AFP: variants seen among roughly 807,000 people sequenced by gnomAD.
The protein encoded by AFP is alpha fetoprotein.
In AFP, 64 loss-of-function variants were observed where a neutral mutation model predicts 78.9. That is an observed-to-expected ratio of 0.81 (90% CI 0.66 to 1.00). The LOEUF is 1.00. Ranked by LOEUF, AFP falls within the 50% of genes least tolerant of loss-of-function variation. The pLI is 0.00. For synonymous variants in AFP, 254 were observed against 243.8 expected, an observed-to-expected ratio of 1.04 and a Z score of -0.39; for missense variants, 689 against 703.8, an observed-to-expected ratio of 0.98 and a Z score of 0.24.
At chr4:73,438,123 A>G in intron 2 of AFP, 51 bp from the exon 3 acceptor site, 1 of 1,606,326 alleles carries the variant, frequency 6.2e-7, no homozygotes, top group Non-Finnish European at 8.5e-7. Context: ...TGAGAAAAAT[A>G]AGCTTGCTGC....
intron 4 of AFP, 66 bp from the exon 5 acceptor site, chr4:73,442,230 G>A: frequency 6.8e-7 from 1 of 1,471,802 alleles, no homozygotes; most frequent in Non-Finnish European, 9.4e-7. Context: ...CCAGTGTCCA[G>A]TTCCAAGCAG....
At position 73,444,359 on chromosome 4, in the gene AFP, A is replaced by G. The variant is rs796247051; in HGVS notation, c.714-634A>G. On this transcript the variant is annotated intron_variant, in intron 6 of 14. Coordinates refer to ENST00000395792, the MANE Select transcript of AFP (RefSeq NM_001134.3). ...AGCTAAGTGGTCTAAATTTATAGAG[A>G]AGATCCATCTTTATCAGAAGCAGGA... 9.2e-5 allele frequency among the ~76,000 whole-genome samples: 14 copies of G among 152,354 alleles called. 1 individual carries two copies. The highest frequency in any genetic ancestry group is 3.4e-4 in the African/African-American group (14 of 41,588).
intron 7 of AFP, among the ~76,000 whole-genome samples, 180 bp downstream of exon 7, chr4:73,445,302 C>T (rs1719787242): frequency 6.6e-6 from 1 of 152,046 alleles, no homozygotes; most frequent in Admixed American, 6.6e-5. Context: ...TTGATCCTGG[C>T]TTTCACTTTA....
chr4:73,437,788 G>A (rs1034740491), intron 2 of AFP, among the ~76,000 whole-genome samples: 1 of 151,874 alleles, frequency 6.6e-6, no homozygotes, highest in African/African-American at 2.4e-5. Context: ...GATCATACTG[G>A]GAATAGACAC....
At chr4:73,441,393 C>T (rs1577952679) in intron 4 of AFP, among the ~76,000 whole-genome samples, 2 of 151,240 alleles carry the variant, frequency 1.3e-5, no homozygotes, top group East Asian at 2.0e-4. Context: ...GGTGAAACCC[C>T]GTCTCTACTA....
At chr4:73,437,723 A>C (rs777587398) in intron 2 of AFP, among the ~76,000 whole-genome samples, 1 of 152,112 alleles carries the variant, frequency 6.6e-6, no homozygotes, top group Non-Finnish European at 1.5e-5. Context: ...CCAAACCTGC[A>C]TAAGGATTGC....
At chr4:73,452,300 G>T (rs1189381512) in intron 11 of AFP, 101 bp from the exon 12 acceptor site, 13 of 878,364 alleles carry the variant, frequency 1.5e-5, no homozygotes, top group Non-Finnish European at 2.3e-5. Context: ...ATTATAAATT[G>T]CTGGGCATTA....
chr4:73,449,367 A>C lies in AFP; in HGVS notation c.1091A>C (p.Gln364Pro), dbSNP rs759636523. ...FVHEYSRRHP[Q>P]LAVSVILRVA... is the part of the protein sequence containing the mutation. The stretch of plus-strand genomic sequence containing the variant: ...CATGAATATTCAAGAAGACATCCTC[A>C]GCTTGCTGTCTCAGTAATTCTAAGA... The change falls in exon 9 of 15, where the codon CAG (glutamine) becomes CCG (proline). Residue 364 changes from glutamine to proline, a missense_variant. By Grantham distance (76) the Gln-to-Pro change is moderately conservative (BLOSUM62 -1). Coordinates refer to ENST00000395792, the MANE Select transcript of AFP (RefSeq NM_001134.3). 1.2e-6 allele frequency: 2 copies of C among 1,613,194 alleles called. No individual in the cohort carries two copies. The highest frequency in any genetic ancestry group is 2.7e-5 in the African/African-American group (2 of 74,898).
rs750406181 is a variant in AFP, at chr4:73,443,460, A to G, written c.713+16A>G. 7.0e-6 allele frequency: 11 copies of G among 1,574,128 alleles called. No individual in the cohort carries two copies. Among genetic ancestry groups the G allele is most frequent in the Non-Finnish European group, 9.6e-6 (11 of 1,143,774 alleles). ...TCCAAGCCATGTAAGTTCAAGTTCT[A>G]TCTAGGGAAGAGGGTGAGAGCTACA... is the stretch of plus-strand genomic sequence containing the variant. On this transcript the variant is annotated intron_variant, in intron 6 of 14. Coordinates refer to ENST00000395792, the MANE Select transcript of AFP (RefSeq NM_001134.3).
At chr4:73,451,105 T>C (rs1366404890) in intron 11 of AFP, among the ~76,000 whole-genome samples, 1 of 152,266 alleles carries the variant, frequency 6.6e-6, no homozygotes, top group Non-Finnish European at 1.5e-5. Context: ...TTCATATACT[T>C]ACTTTGATGT....
intron 9 of AFP, 69 bp downstream of exon 9, chr4:73,449,536 T>A (rs1483886303): frequency 6.3e-7 from 1 of 1,575,376 alleles, no homozygotes. Context: ...AAATGCTGTT[T>A]GTTTGAAAGC....
chr4:73,444,409 A>G (rs1328843221), intron 6 of AFP, among the ~76,000 whole-genome samples: 1 of 152,176 alleles, frequency 6.6e-6, no homozygotes, highest in Non-Finnish European at 1.5e-5. Flanking sequence ...TCTAGGAGCA[A>G]TGGTTTTACA....
intron 10 of AFP, 75 bp from the exon 11 acceptor site, chr4:73,450,540 T>C: frequency 1.9e-6 from 3 of 1,602,274 alleles, no homozygotes; most frequent in Admixed American, 1.7e-5. Context: ...GAGTAGAGAG[T>C]CTGTGAGAAG....
intron 6 of AFP, 26 bp downstream of exon 6, chr4:73,443,470 G>A (rs1333316297): frequency 6.5e-7 from 1 of 1,542,572 alleles, no homozygotes; most frequent in Non-Finnish European, 9.0e-7. Flanking sequence ...ATCTAGGGAA[G>A]AGGGTGAGAG....
Position 73,455,966 on chromosome 4 carries a change from C to T in AFP, c.*346C>T, listed in dbSNP as rs1447090284. On this transcript the variant is annotated 3_prime_UTR_variant, in exon 15 of 15. Coordinates refer to ENST00000395792, the MANE Select transcript of AFP (RefSeq NM_001134.3). ...CTGAAAAATGTTCCCAAGTTAAACA[C>T]TATTTGATGCTACCAGGGCATTTTG... 3.4e-6 allele frequency: 1 copy of T among 292,714 alleles called. No homozygotes were observed. Among genetic ancestry groups the T allele is most frequent in the Non-Finnish European group, 6.3e-6 (1 of 159,464 alleles). 18.1% of individuals were successfully genotyped at this position (292,714 alleles called of 1,614,324 possible).
At chr4:73,445,922 C>T (rs1174014143) in intron 7 of AFP, among the ~76,000 whole-genome samples, 1 of 152,170 alleles carries the variant, frequency 6.6e-6, no homozygotes, top group Non-Finnish European at 1.5e-5. Flanking sequence ...ATTACTCTGT[C>T]TCTGTGGGCT....
At position 73,453,798 on chromosome 4, in the gene AFP, A is replaced by C; in HGVS notation, c.1686A>C (p.Gln562His). Residue 562 changes from glutamine (Q) to histidine (H), a missense_variant, in exon 13 of 15, where the codon CAA (glutamine) becomes CAC (histidine). By Grantham distance (24) the Gln-to-His change is conservative. Transcript: ENST00000395792. ...TTAACCTTGTGAAGCAAAAGCCACA[A>C]ATAACAGAGGAACAACTTGAGGCTG... ...FLINLVKQKP[Q>H]ITEEQLEAVI... The C allele has an allele frequency of 6.2e-7, 1 of 1,613,812 alleles. No individual in the cohort carries two copies. The highest frequency in any genetic ancestry group is 8.5e-7 in the Non-Finnish European group (1 of 1,179,746).
rs150964344 is a variant in AFP at position 73,450,089 on chromosome 4, C to T, written c.1245C>T (p.Ser415=). ...AGAGCCAAGCATTGGCAAAGCGAAG[C>T]TGCGGCCTCTTCCAGAAACTAGGAG... The part of the protein sequence containing the change: ...IQESQALAKR[S]CGLFQKLGEY... Residue 415 remains serine, a synonymous_variant, in exon 10 of 15, where the codon AGC becomes AGT. Coordinates refer to ENST00000395792, the MANE Select transcript of AFP (RefSeq NM_001134.3). The T allele has an allele frequency of 8.7e-5, 140 of 1,613,630 alleles. No homozygotes were observed. The highest frequency in any genetic ancestry group is 1.2e-4 in the Admixed American group (7 of 59,988).
chr4:73,437,030 T>C (rs1719528856), intron 1 of AFP, 130 bp from the exon 2 acceptor site: 2 of 724,122 alleles, frequency 2.8e-6, no homozygotes, highest in South Asian at 3.2e-5. Context: ...GATGCTTAGG[T>C]TATCCCTAAT....
Sources: gnomAD v4.1 joint callset for allele counts (sites outside exome capture counted in the v4.1 genomes callset) on GRCh38, gnomAD v4.1.1 for gene constraint, MANE v1.5 for transcripts, NCBI Gene and HGNC (gene_info 2026-07-23, HGNC 2026-07-21) for gene names.